UGGT2: variants seen among roughly 807,000 people sequenced by gnomAD.
UGGT2 encodes UDP-glucose:glycoprotein glucosyltransferase 2.
UGGT2 carries 180 observed loss-of-function variants against 192.1 expected under a neutral mutation model. The observed-to-expected ratio is 0.94, with a 90% confidence interval of 0.83 to 1.06. UGGT2 has a LOEUF of 1.06. Ranked by LOEUF, UGGT2 falls within the 50% of genes least tolerant of loss-of-function variation. The pLI is 0.00. For synonymous variants in UGGT2, 580 were observed against 591.0 expected, an observed-to-expected ratio of 0.98 and a Z score of 0.27; for missense variants, 1,849 against 1,795.7, an observed-to-expected ratio of 1.03 and a Z score of -0.54.
At chr13:95,827,618 CA>C (rs1886178502) in intron 38 of UGGT2, among the ~76,000 whole-genome samples, 1 of 151,998 alleles carries the variant, frequency 6.6e-6, no homozygotes, top group African/African-American at 2.4e-5. Context: ...GCAGCCCTAG[CA>C]AACTAATATA....
chr13:95,959,434 C>A (rs1055963884), intron 12 of UGGT2, among the ~76,000 whole-genome samples: 1 of 152,178 alleles, frequency 6.6e-6, no homozygotes, highest in Admixed American at 6.5e-5. Context: ...CTGCTGCCCA[C>A]CAACCATAGC....
At chr13:95,814,539 A>G (rs2389393) in intron 38 of UGGT2, among the ~76,000 whole-genome samples, 5,028 of 152,270 alleles carry the variant, frequency 0.033, 278 homozygotes, top group African/African-American at 0.12. Flanking sequence ...TATCTTGGAA[A>G]TAACTAACTT....
chr13:95,803,056 G>A (rs1171290692), intron 38 of UGGT2, among the ~76,000 whole-genome samples: 2 of 151,916 alleles, frequency 1.3e-5, no homozygotes, highest in Admixed American at 1.3e-4. Flanking sequence ...GGATGGTCTC[G>A]ATCTCCTGAC....
intron 20 of UGGT2, among the ~76,000 whole-genome samples, chr13:95,915,386 C>G (rs1331663633): frequency 6.6e-6 from 1 of 152,184 alleles, no homozygotes; most frequent in Admixed American, 6.5e-5. Flanking sequence ...ATGTCTATCA[C>G]TTATTGTCTG....
chr13:95,887,591 A>G (rs1343106134), intron 26 of UGGT2, among the ~76,000 whole-genome samples: 1 of 152,144 alleles, frequency 6.6e-6, no homozygotes, highest in Non-Finnish European at 1.5e-5. Context: ...ATTCCACCTT[A>G]TTTCCCATTG....
intron 2 of UGGT2, among the ~76,000 whole-genome samples, chr13:96,027,609 C>G (rs1278851129): frequency 1.3e-5 from 2 of 152,118 alleles, no homozygotes; most frequent in Non-Finnish European, 2.9e-5. Flanking sequence ...TCATCTTATT[C>G]CCTTCATAGT....
chr13:95,940,145 T>A, intron 15 of UGGT2, 54 bp from the exon 16 acceptor site: 2 of 1,303,656 alleles, frequency 1.5e-6, no homozygotes, highest in Non-Finnish European at 2.0e-6. Flanking sequence ...ATTAGTTTTC[T>A]TTTTTTTCCT....
intron 36 of UGGT2, among the ~76,000 whole-genome samples, chr13:95,851,464 C>T (rs1441871131): frequency 2.6e-5 from 4 of 151,982 alleles, no homozygotes; most frequent in Non-Finnish European, 5.9e-5. Flanking sequence ...AGAATAGCAA[C>T]ATTTAAAGGA....
chr13:95,897,458 TTTTAAGAA>T (rs1170140611), intron 22 of UGGT2, among the ~76,000 whole-genome samples: 1 of 152,162 alleles, frequency 6.6e-6, no homozygotes, highest in Non-Finnish European at 1.5e-5. Context: ...TATTCAGTGT[TTTTAAGAA>T]ACTGTGTGAT....
intron 4 of UGGT2, among the ~76,000 whole-genome samples, chr13:96,017,445 A>G (rs1266221642): frequency 1.3e-5 from 2 of 152,092 alleles, no homozygotes; most frequent in African/African-American, 4.8e-5. Flanking sequence ...TGAGGCTCTC[A>G]CCAGAAGCCA....
intron 10 of UGGT2, among the ~76,000 whole-genome samples, chr13:95,975,928 T>C (rs541063503): frequency 4.8e-4 from 73 of 152,146 alleles, no homozygotes; most frequent in Non-Finnish European, 9.0e-4. Context: ...AATTGGGATA[T>C]CCATCATCTC....
intron 38 of UGGT2, among the ~76,000 whole-genome samples, chr13:95,806,051 A>AAAC (rs1555331428): frequency 6.6e-6 from 1 of 151,260 alleles, no homozygotes; most frequent in African/African-American, 2.4e-5. Flanking sequence ...AAAAAAAAAA[A>AAAC]ACACACAGTG....
At chr13:95,942,221 G>GGTGGGTGTGTGTGT in intron 15 of UGGT2, among the ~76,000 whole-genome samples, 1 of 118,084 alleles carries the variant, frequency 8.5e-6, no homozygotes, top group South Asian at 2.6e-4. Context: ...TTAGGGTGAG[G>GGTGGGTGTGTGTGT]GTGTGTGTGT....
chr13:96,053,145 C>T lies in UGGT2; in HGVS notation c.158+10G>A. ...ACACCCGCCCGGACGAGGGCCCGGC[C>T]CGCACCCACCTTGCCTCCAGCAGCA... On this transcript the variant is annotated intron_variant, in intron 1 of 38. Coordinates refer to ENST00000376747, the MANE Select transcript of UGGT2 (RefSeq NM_020121.4). The T allele has an allele frequency of 1.3e-6, 2 of 1,499,156 alleles. No individual in the cohort carries two copies. Among genetic ancestry groups the T allele is most frequent in the Non-Finnish European group, 1.8e-6 (2 of 1,127,372 alleles). 92.9% of individuals were successfully genotyped at this position (1,499,156 alleles called of 1,614,324 possible). A position where few individuals can be genotyped will look rare whatever the true frequency, so the allele number is the denominator to read the frequency against.
At chr13:95,985,787 AT>A (rs149239315) in intron 9 of UGGT2, among the ~76,000 whole-genome samples, 199 of 152,278 alleles carry the variant, frequency 1.3e-3, no homozygotes, top group Non-Finnish European at 2.1e-3. Flanking sequence ...ATGCAAATGT[AT>A]TTCCTATTGA....
chr13:95,975,114 C>T (rs191103976), intron 10 of UGGT2, among the ~76,000 whole-genome samples: 51 of 152,080 alleles, frequency 3.4e-4, no homozygotes, highest in Middle Eastern at 3.4e-3. Context: ...CCCCTAAATG[C>T]GGCTCTGAGT....
chr13:95,902,243 T>C lies in UGGT2; in HGVS notation c.2502+611A>G, dbSNP rs1178793695. Among the ~76,000 whole-genome samples the C allele has an allele frequency of 4.6e-5, 7 of 152,160 alleles. No homozygotes were observed. The South Asian group carries it at 8.3e-4, about 18-fold the overall frequency. On this transcript the variant is annotated intron_variant, in intron 21 of 38. Coordinates refer to ENST00000376747, the MANE Select transcript of UGGT2 (RefSeq NM_020121.4). Reference sequence around the variant, plus strand: ...ATTTATTTTCTCACTCTCAGAATAATAGTAAAATATTCAACATTTCCTCTT... The same window carrying C: ...ATTTATTTTCTCACTCTCAGAATAACAGTAAAATATTCAACATTTCCTCTT...
intron 1 of UGGT2, among the ~76,000 whole-genome samples, chr13:96,048,167 A>G (rs911967262): frequency 6.6e-6 from 1 of 152,224 alleles, no homozygotes; most frequent in Non-Finnish European, 1.5e-5. Context: ...ACTAGAACTC[A>G]AGATTAAGAA....
intron 38 of UGGT2, among the ~76,000 whole-genome samples, chr13:95,830,300 C>A (rs549400352): frequency 1.1e-4 from 16 of 152,132 alleles, no homozygotes; most frequent in African/African-American, 3.6e-4. Flanking sequence ...TAAACTAAAG[C>A]GCTTCTGCAC....
Sources: allele counts gnomAD v4.1 joint callset (sites outside exome capture counted in the v4.1 genomes callset), GRCh38; gene constraint gnomAD v4.1.1; transcripts MANE v1.5; gene names NCBI Gene and HGNC (gene_info 2026-07-23, HGNC 2026-07-21).